MARF1: variants seen among roughly 807,000 people sequenced by gnomAD.
MARF1 encodes meiosis regulator and mRNA stability factor 1.
MARF1 carries 24 observed loss-of-function variants against 168.2 expected under a neutral mutation model. The observed-to-expected ratio is 0.14, with a 90% CI of 0.10 to 0.20. MARF1 has a LOEUF of 0.20. MARF1 is among the 10% of genes least tolerant of loss of function. The pLI, the probability that MARF1 is intolerant of heterozygous loss-of-function variation, is 1.00. For synonymous variants in MARF1, 868 were observed against 822.4 expected (o/e 1.06, Z -0.95); for missense variants, 1,744 against 2,143.6 (o/e 0.81, Z 3.68).
At chr16:15,638,152 G>A (rs868355293) in intron 2 of MARF1, among the ~76,000 whole-genome samples, 1 of 151,700 alleles carries the variant, frequency 6.6e-6, no homozygotes, top group South Asian at 2.1e-4. Context: ...GGGCTGAGCC[G>A]AGACTCTGTC....
In MARF1 at chr16:15,611,660, T is replaced by C. The variant is rs1411732409; in HGVS notation, c.3549A>G (p.Leu1183=). 1 of 1,614,100 alleles carries C rather than the reference T, an allele frequency of 6.2e-7. No individual in the cohort carries two copies. The highest frequency in any genetic ancestry group is 1.1e-5 in the South Asian group (1 of 91,078). ...RAQVKRFTQD[L]LKLLKSQASK... ...TGGCCTGGGATTTGAGAAGTTTTAGTAAATCCTGAGTAAAGCGCTTCACCT... is the reference window on the plus strand; with the variant it reads ...TGGCCTGGGATTTGAGAAGTTTTAGCAAATCCTGAGTAAAGCGCTTCACCT... Residue 1183 remains leucine, a synonymous_variant, in exon 18 of 27, where the codon TTA becomes TTG. Transcript: ENST00000396368.
At chr16:15,598,611 C>T (rs889451475) in intron 26 of MARF1, among the ~76,000 whole-genome samples, 2 of 152,026 alleles carry the variant, frequency 1.3e-5, no homozygotes, top group Non-Finnish European at 2.9e-5. Flanking sequence ...CCCACAGCCC[C>T]GAGCCACCAG....
intron 22 of MARF1, among the ~76,000 whole-genome samples, chr16:15,603,765 C>CA (rs2032745970): frequency 8.8e-6 from 1 of 113,848 alleles, no homozygotes; most frequent in Non-Finnish European, 2.0e-5. Context: ...GAAAGGCTGC[C>CA]TGGGGGACTG....
intron 16 of MARF1, 34 bp from the exon 17 acceptor site, chr16:15,612,811 C>A: frequency 6.4e-7 from 1 of 1,568,158 alleles, no homozygotes; most frequent in Non-Finnish European, 8.8e-7. Context: ...AGACAGAAAG[C>A]ACAGATTTCA....
rs984283661 is a variant in MARF1, at chr16:15,643,003, T to A, written c.-59+15A>T. 1.1e-5 allele frequency: 3 copies of A among 265,078 alleles called. No individual in the cohort carries two copies. Among genetic ancestry groups the A allele is most frequent in the African/African-American group, 7.2e-5 (3 of 41,926 alleles). 16.4% of individuals were successfully genotyped at this position (265,078 alleles called of 1,614,324 possible). A position where few individuals can be genotyped will look rare whatever the true frequency, so the allele number is the denominator to read the frequency against. On this transcript the variant is annotated intron_variant, in intron 1 of 26. Coordinates refer to ENST00000396368, the MANE Select transcript of MARF1 (RefSeq NM_014647.4). ...GCCTGCCGGGGTCTGGTCGCAGGAC[T>A]GTCTGCAAACTCACCTCTGCCGCCG...
chr16:15,624,246 T>G (rs1432168111), intron 10 of MARF1, among the ~76,000 whole-genome samples: 1 of 152,184 alleles, frequency 6.6e-6, no homozygotes, highest in South Asian at 2.1e-4. Flanking sequence ...TACAGTGATC[T>G]GCCACCAACT....
chr16:15,635,664 G>A lies in MARF1; in HGVS notation c.823C>T (p.Leu275=), dbSNP rs2035543037. 1 of 1,613,154 alleles carries A rather than the reference G, an allele frequency of 6.2e-7. No homozygotes were observed. Among genetic ancestry groups the A allele is most frequent in the Non-Finnish European group, 8.5e-7 (1 of 1,179,474 alleles). ...LKGSLYCEDC[L]NKPARNSIID... ...AATAAAAAGATACGAACCTTGTTTA[G>A]ACAGTCTTCGCAGTAAAGTGAGCCC... Residue 275 remains leucine (L), a synonymous_variant, in exon 3 of 27, where the codon CTA becomes TTA. Transcript: ENST00000396368.
Position 15,635,644 on chromosome 16 carries a change from A to G in MARF1, c.831+12T>C, listed in dbSNP as rs1261888628. 2.5e-6 allele frequency: 4 copies of G among 1,607,466 alleles called. No homozygotes were observed. Among genetic ancestry groups the G allele is most frequent in the Non-Finnish European group, 3.4e-6 (4 of 1,174,914 alleles). ...CAGCTGCACCCAACTTAAGAAATAA[A>G]AAGATACGAACCTTGTTTAGACAGT... On this transcript the variant is annotated intron_variant, in intron 3 of 26. Transcript: ENST00000396368.
chr16:15,606,961 C>T (rs1179177144), intron 21 of MARF1, among the ~76,000 whole-genome samples: 1 of 152,168 alleles, frequency 6.6e-6, no homozygotes, highest in Non-Finnish European at 1.5e-5. Context: ...CCTCACTCCT[C>T]ACCACACTCC....
intron 19 of MARF1, among the ~76,000 whole-genome samples, 180 bp from the exon 20 acceptor site, chr16:15,609,905 G>C (rs1279863402): frequency 2.6e-5 from 4 of 152,098 alleles, no homozygotes; most frequent in Admixed American, 2.6e-4. Flanking sequence ...TCTCAAACAT[G>C]TTCCAGGGCA....
At position 15,636,151 on chromosome 16, in the gene MARF1, C is replaced by T. The variant is rs779223193; in HGVS notation, c.336G>A (p.Ser112=). The T allele has an allele frequency of 1.5e-5, 25 of 1,614,066 alleles. No homozygotes were observed. The highest frequency in any genetic ancestry group is 6.7e-5 in the Admixed American group (4 of 60,002). ...CAHCPNEPST[S]PMRFGGGGGG... Reference sequence around the variant, plus strand: ...CACCACCACCACCAAAACGCATTGGCGAAGTGGAGGGTTCATTAGGGCAAT... The same window carrying T: ...CACCACCACCACCAAAACGCATTGGTGAAGTGGAGGGTTCATTAGGGCAAT... The change falls in exon 3 of 27, where the codon TCG becomes TCA. Residue 112 remains serine (S), a synonymous_variant. Coordinates refer to ENST00000396368, the MANE Select transcript of MARF1 (RefSeq NM_014647.4).
intron 15 of MARF1, among the ~76,000 whole-genome samples, chr16:15,616,611 T>A (rs1339758433): frequency 2.0e-5 from 3 of 152,176 alleles, no homozygotes; most frequent in African/African-American, 7.2e-5. Context: ...ATGATGGGGA[T>A]ATGTACTCAA....
At position 15,599,010 on chromosome 16, in the gene MARF1, C is replaced by G. The variant is rs761773835; in HGVS notation, c.4828G>C (p.Glu1610Gln). ...TCGGTCAGGCGGAGAAGCTCCTGCTCTGTGTGACTGGGCCCTGGGCAAACA... is the reference window on the plus strand; with the variant it reads ...TCGGTCAGGCGGAGAAGCTCCTGCTGTGTGTGACTGGGCCCTGGGCAAACA... ...GADGSGPSHT[E>Q]QELLRLTDDS... Residue 1610 changes from glutamate to glutamine, a missense_variant, in exon 26 of 27, where the codon GAG becomes CAG. Physicochemically the swap from Glu to Gln is conservative, Grantham distance 29. Around this residue, in one of 7 missense-constraint regions of MARF1, gnomAD observed 313 missense variants for 337.4 expected, o/e 0.93. Transcript: ENST00000396368. 1.0e-4 allele frequency: 167 copies of G among 1,608,520 alleles called. No individual in the cohort carries two copies. Among genetic ancestry groups the G allele is most frequent in the Admixed American group, 2.2e-4 (13 of 58,968 alleles).
intron 26 of MARF1, among the ~76,000 whole-genome samples, 191 bp downstream of exon 26, chr16:15,598,654 TGCTCGCCAG>T (rs1035228030): frequency 3.3e-5 from 5 of 151,752 alleles, no homozygotes; most frequent in African/African-American, 1.2e-4. Context: ...CCTTGCCTGA[TGCTCGCCAG>T]GCAACCTCAG....
Position 15,631,886 on chromosome 16 carries a change from T to C in MARF1, c.1234-388A>G, listed in dbSNP as rs145658173. Among the ~76,000 whole-genome samples, 670 of 152,340 alleles carry C rather than the reference T, an allele frequency of 4.4e-3. 4 individuals carry two copies. Among genetic ancestry groups the C allele is most frequent in the African/African-American group, 0.015 (639 of 41,564 alleles). On this transcript the variant is annotated intron_variant, in intron 5 of 26. Coordinates refer to ENST00000396368, the MANE Select transcript of MARF1 (RefSeq NM_014647.4). ...TCCTACATTAGTTTGCTGAGAATAA[T>C]GACTTCCAGCTTCATCCATGTCCCT...
At chr16:15,629,540 G>A (rs922327650) in intron 7 of MARF1, among the ~76,000 whole-genome samples, 3 of 152,110 alleles carry the variant, frequency 2.0e-5, no homozygotes, top group African/African-American at 7.2e-5. Flanking sequence ...CATGTCTAAC[G>A]TACTTCTGTA....
At chr16:15,623,201 G>T in intron 10 of MARF1, 78 bp from the exon 11 acceptor site, 1 of 1,052,998 alleles carries the variant, frequency 9.5e-7, no homozygotes, top group South Asian at 2.6e-5. Context: ...GGCTTTGTTT[G>T]AAACTATATA....
chr16:15,611,386 G>GA (rs2033529874), intron 18 of MARF1, among the ~76,000 whole-genome samples: 2 of 148,922 alleles, frequency 1.3e-5, no homozygotes, highest in Admixed American at 1.4e-4. Context: ...ATAAACCCGG[G>GA]AGGCGGAGCT....
In MARF1 at chr16:15,594,528, G is replaced by A. The variant is rs1264283444; in HGVS notation, c.*2165C>T. On this transcript the variant is annotated 3_prime_UTR_variant, in exon 27 of 27. Coordinates refer to ENST00000396368, the MANE Select transcript of MARF1 (RefSeq NM_014647.4). Reference sequence around the variant, plus strand: ...CCCCAAACCCAATCCAAAACAAACAGTGCAAGATGGGAAAGGGGGTTTTGG... The same window carrying A: ...CCCCAAACCCAATCCAAAACAAACAATGCAAGATGGGAAAGGGGGTTTTGG... 6.6e-6 allele frequency: 1 copy of A among 152,552 alleles called. No individual in the cohort carries two copies. Among genetic ancestry groups the A allele is most frequent in the Non-Finnish European group, 1.5e-5 (1 of 68,030 alleles). 9.4% of individuals were successfully genotyped at this position (152,552 alleles called of 1,614,324 possible).
Sources: gnomAD v4.1 joint callset for allele counts (sites outside exome capture counted in the v4.1 genomes callset) on GRCh38, gnomAD v4.1.1 for gene constraint, gnomAD v4.1.1 regional missense constraint, MANE v1.5 for transcripts, NCBI Gene and HGNC (gene_info 2026-07-23, HGNC 2026-07-21) for gene names.